Variants in SLC19A1 observed in about 807,000 individuals in gnomAD.
The protein encoded by SLC19A1 is solute carrier family 19 member 1.
SLC19A1 carries 37 observed loss-of-function variants against 35.3 expected under a neutral mutation model. That is an observed-to-expected ratio of 1.05 (90% CI 0.81 to 1.38). SLC19A1 has a LOEUF of 1.38. Among genes scored for constraint, SLC19A1 ranks in the 40% most tolerant of loss-of-function variants. SLC19A1 has a pLI of 0.00. For missense variants in SLC19A1, 831 were observed against 826.9 expected, an observed-to-expected ratio of 1.00 and a Z score of -0.06; for synonymous variants, 460 against 398.5, an observed-to-expected ratio of 1.15 and a Z score of -1.84.
chr21:45,528,803 G>A (rs1001079583), intron 4 of SLC19A1, among the ~76,000 whole-genome samples: 1 of 152,206 alleles, frequency 6.6e-6, no homozygotes, highest in African/African-American at 2.4e-5. Flanking sequence ...GTGACCACCT[G>A]CATCTGTGAG....
At chr21:45,539,394 G>C (rs2078234726) in intron 1 of SLC19A1, among the ~76,000 whole-genome samples, 1 of 152,266 alleles carries the variant, frequency 6.6e-6, no homozygotes, top group Non-Finnish European at 1.5e-5. Flanking sequence ...GCACTGGGCT[G>C]ACAGTTGGAC....
chr21:45,507,692 C>G (rs909478233), downstream of SLC19A1: 19 of 1,153,416 alleles, frequency 1.6e-5, no homozygotes, highest in African/African-American at 2.1e-4. Flanking sequence ...CCTTTGGAGT[C>G]CTGGAGCTGA....
In SLC19A1 at chr21:45,540,455, C is replaced by T. The variant is rs1418525933; in HGVS notation, c.-50+1913G>A. Among the ~76,000 whole-genome samples, 1 of 152,188 alleles carries T rather than the reference C, an allele frequency of 6.6e-6. No individual in the cohort carries two copies. On this transcript the variant is annotated intron_variant, in intron 1 of 5. Transcript: ENST00000311124. This position sits in a 1 kb window ranked among gnomAD's most constrained non-coding sequence, Gnocchi z 5.5. ...CCCCCTGTTCTGAAAGGTGCCACCT[C>T]CAGAAGCGACCAGAACATTCCTTCC...
chr21:45,512,427 G>A (rs371710532), downstream of SLC19A1: 2 of 1,602,992 alleles, frequency 1.2e-6, no homozygotes, highest in Non-Finnish European at 8.5e-7. Flanking sequence ...TGGCCGGAGA[G>A]GACCGGCGGC....
At chr21:45,553,796 G>A (rs1299162862) in intron 1 of SLC19A1, among the ~76,000 whole-genome samples, 2 of 438 alleles carry the variant, frequency 4.6e-3, no homozygotes, top group Non-Finnish European at 6.9e-3. Flanking sequence ...AATCCCCCAC[G>A]CCCCCTCCCA....
rs1458452686 is a variant in SLC19A1 at position 45,531,807 on chromosome 21, C to T, written c.531G>A (p.Val177=). 6.3e-7 allele frequency: 1 copy of T among 1,593,720 alleles called. No individual in the cohort carries two copies. The highest frequency in any genetic ancestry group is 8.5e-7 in the Non-Finnish European group (1 of 1,170,610). The change falls in exon 3 of 6, where the codon GTG becomes GTA. Residue 177 remains valine, a synonymous_variant. Transcript: ENST00000311124. ...SSVLGQLLVT[V]GRVSFSTLNY... ...TGAGCGTGGAGAAGGAGACTCGGCC[C>T]ACAGTGACCAGCAGCTGGCCCAGCA...
chr21:45,531,710 G>GGCT lies in SLC19A1; in HGVS notation c.625_627dup (p.Ser209dup), dbSNP rs1569001778. ...CCCCGGTCGTCGCGGTTGAAGAAGA[G>GGCT]GCTGCGCTTGGGGCGCTTCAGGAAG... On this transcript the variant is annotated inframe_insertion, in exon 3 of 6. Transcript: ENST00000311124. The GGCT allele has an allele frequency of 6.2e-7, 1 of 1,612,832 alleles. No homozygotes were observed. Among genetic ancestry groups the GGCT allele is most frequent in the Non-Finnish European group, 8.5e-7 (1 of 1,179,704 alleles).
At chr21:45,523,857 G>A (rs1177160472) in intron 5 of SLC19A1, among the ~76,000 whole-genome samples, 1 of 152,184 alleles carries the variant, frequency 6.6e-6, no homozygotes, top group Non-Finnish European at 1.5e-5. Flanking sequence ...CTCCAAGAAT[G>A]GGGAGGACCT....
downstream of SLC19A1, chr21:45,507,574 C>T (rs200839439): frequency 3.7e-6 from 6 of 1,612,926 alleles, no homozygotes; most frequent in Middle Eastern, 1.7e-4. Flanking sequence ...GAGGCCCGGA[C>T]ACCACTCCCA....
intron 1 of SLC19A1, among the ~76,000 whole-genome samples, chr21:45,538,372 C>T (rs1451707474): frequency 2.0e-5 from 3 of 152,258 alleles, no homozygotes; most frequent in Non-Finnish European, 4.4e-5. Flanking sequence ...ACTCATGGCA[C>T]TGCTGGGCAG....
At chr21:45,550,256 G>A (rs772997606) in intron 1 of SLC19A1, among the ~76,000 whole-genome samples, 1 of 152,136 alleles carries the variant, frequency 6.6e-6, no homozygotes, top group Non-Finnish European at 1.5e-5. Context: ...GGCGCCTCCT[G>A]CCTGATGAGA....
At chr21:45,556,680 C>G (rs560426403) in intron 1 of SLC19A1, among the ~76,000 whole-genome samples, 1 of 152,216 alleles carries the variant, frequency 6.6e-6, no homozygotes, top group Non-Finnish European at 1.5e-5. Flanking sequence ...GGGACATGGC[C>G]GGAGCTGCCA....
rs556084484 is a variant in SLC19A1 at position 45,503,859 on chromosome 21, G to T, written c.498-5247C>A. 8.0e-5 allele frequency: 50 copies of T among 627,740 alleles called. No individual in the cohort carries two copies. The African/African-American group carries it at 8.9e-4, about 11-fold the overall frequency. 38.9% of individuals were successfully genotyped at this position (627,740 alleles called of 1,614,324 possible). A position where few individuals can be genotyped will look rare whatever the true frequency, so the allele number is the denominator to read the frequency against. On this transcript the variant is annotated intron_variant, in intron 3 of 4. Transcript: ENST00000417954. ...TTAACAAAAACATCAGAAAGTATCG[G>T]TTAACTAGGAAGAACCTAATTAAAT...
chr21:45,561,767 T>A (rs1008058032), intron 1 of SLC19A1, among the ~76,000 whole-genome samples: 33 of 149,886 alleles, frequency 2.2e-4, no homozygotes, highest in Admixed American at 3.3e-4. Flanking sequence ...TCTCAAAAAA[T>A]AAATAAATAA....
intron 3 of SLC19A1, among the ~76,000 whole-genome samples, chr21:45,503,469 A>G (rs2036975534): frequency 6.6e-6 from 1 of 152,056 alleles, no homozygotes; most frequent in South Asian, 2.1e-4. Flanking sequence ...AAAAATGATG[A>G]GTTCATGTCC....
chr21:45,523,336 A>G (rs1339688608), intron 5 of SLC19A1, among the ~76,000 whole-genome samples: 1 of 152,202 alleles, frequency 6.6e-6, no homozygotes. Context: ...CCAGCCAGAG[A>G]AAAGTCCATG....
At chr21:45,509,621 G>A (rs1220663311), downstream of SLC19A1, 17 of 1,348,216 alleles carry the variant, frequency 1.3e-5, no homozygotes, top group Non-Finnish European at 1.7e-5. Context: ...CCCCCAAAGT[G>A]GGCTTGGCTC....
intron 3 of SLC19A1, chr21:45,504,279 T>C: frequency 1.1e-6 from 1 of 946,008 alleles, no homozygotes; most frequent in South Asian, 1.6e-5. Flanking sequence ...AGTCGAGCCC[T>C]ATTCTATGCA....
chr21:45,506,037 C>T (rs1407256548), intron 3 of SLC19A1: 21 of 1,608,514 alleles, frequency 1.3e-5, no homozygotes, highest in Middle Eastern at 1.8e-4. Context: ...TTAAGGAAGG[C>T]GAGAGGCTCA....
Sources: allele counts gnomAD v4.1 joint callset (sites outside exome capture counted in the v4.1 genomes callset), GRCh38; gene constraint gnomAD v4.1.1; non-coding constraint Gnocchi (gnomAD v3.1); transcripts MANE v1.5; gene names NCBI Gene and HGNC (gene_info 2026-07-23, HGNC 2026-07-21).